The following RADIL variants were observed in gnomAD, a reference collection of about 807,000 sequenced individuals.
RADIL encodes ras-associating and dilute domain-containing protein.
In RADIL, 99 loss-of-function variants were observed where a neutral mutation model predicts 97.6. The ratio of observed to expected loss-of-function variants is 1.01; its 90% CI spans 0.86 to 1.20. The LOEUF (loss-of-function observed/expected upper bound fraction) is 1.20. Ranked by LOEUF, RADIL falls within the 50% of genes most tolerant of loss-of-function variation. The pLI is 0.00. For missense variants in RADIL, 1,765 were observed against 1,498.9 expected (o/e 1.18, Z -2.93); for synonymous variants, 803 against 691.8 (o/e 1.16, Z -2.52).
intron 5 of RADIL, among the ~76,000 whole-genome samples, chr7:4,823,311 T>C (rs965221979): frequency 2.7e-5 from 4 of 150,476 alleles, no homozygotes; most frequent in Admixed American, 2.6e-4. Context: ...CAAACATTAG[T>C]CTGGCTAATT....
chr7:4,820,265 G>C (rs1782794702), intron 6 of RADIL, among the ~76,000 whole-genome samples: 1 of 152,266 alleles, frequency 6.6e-6, no homozygotes, highest in Non-Finnish European at 1.5e-5. Context: ...GAGGATGGCA[G>C]AGTCAGGTCT....
chr7:4,804,232 G>A (rs149725347), intron 10 of RADIL, among the ~76,000 whole-genome samples: 1,845 of 152,362 alleles, frequency 0.012, 43 homozygotes, highest in African/African-American at 0.042. Flanking sequence ...TCAGGCGGCG[G>A]AAGAGTGCGT....
At position 4,872,058 on chromosome 7, in the gene RADIL, G is replaced by A. The variant is rs145444825; in HGVS notation, c.535+5547C>T. On this transcript the variant is annotated intron_variant, in intron 2 of 14. Transcript: ENST00000399583. The surrounding 1 kb of genome is among the most constrained non-coding windows in gnomAD (Gnocchi z 5.8). ...GGTTTGCCAGGCACCCAGCCCCTCC[G>A]AGAGTGGCCCAGGAGAAACAAATGT... Among the ~76,000 whole-genome samples the A allele has an allele frequency of 3.4e-3, 524 of 152,238 alleles. 2 individuals are homozygous for A. Among genetic ancestry groups the A allele is most frequent in the African/African-American group, 0.012 (483 of 41,544 alleles).
At chr7:4,876,092 C>CAG (rs1241238813) in intron 2 of RADIL, among the ~76,000 whole-genome samples, 4 of 152,098 alleles carry the variant, frequency 2.6e-5, no homozygotes, top group African/African-American at 9.7e-5. Flanking sequence ...CGGCTCAAGC[C>CAG]ATCTTCCCAC....
At chr7:4,804,735 C>A (rs575220223) in intron 10 of RADIL, among the ~76,000 whole-genome samples, 44 of 149,028 alleles carry the variant, frequency 3.0e-4, no homozygotes, top group Non-Finnish European at 5.8e-4. Context: ...TCCAGTGAGC[C>A]AAGATCGAGC....
Position 4,821,445 on chromosome 7 carries a change from G to C in RADIL, c.1615+949C>G, listed in dbSNP as rs1782828363. ...CACACAGTCCTTAGCAGACACATGA[G>C]CCGAAATCCTACCCCGGCTTCCGGG... is the stretch of plus-strand genomic sequence containing the variant. On this transcript the variant is annotated intron_variant, in intron 6 of 14. Coordinates refer to ENST00000399583, the MANE Select transcript of RADIL (RefSeq NM_018059.5). The surrounding 1 kb of genome is among the most constrained non-coding windows in gnomAD (Gnocchi z 5.2). 1.3e-5 allele frequency among the ~76,000 whole-genome samples: 2 copies of C among 152,152 alleles called. No individual in the cohort carries two copies. The highest frequency in any genetic ancestry group is 4.8e-5 in the African/African-American group (2 of 41,420).
chr7:4,828,711 T>C (rs1214583299), intron 5 of RADIL, among the ~76,000 whole-genome samples: 1 of 152,200 alleles, frequency 6.6e-6, no homozygotes, highest in Non-Finnish European at 1.5e-5. Context: ...TGTTCTGTGT[T>C]TTGGAAGTGA....
chr7:4,801,725 C>T lies in RADIL; in HGVS notation c.2770G>A (p.Gly924Ser), dbSNP rs538383067. The T allele has an allele frequency of 3.2e-5, 52 of 1,610,306 alleles. No individual in the cohort carries two copies. In the African/African-American group the frequency reaches 4.8e-4, roughly 15 times the overall value. The change falls in exon 12 of 15, where the codon GGC (glycine) becomes AGC (serine). Residue 924 changes from glycine to serine, a missense_variant. Coordinates refer to ENST00000399583, the MANE Select transcript of RADIL (RefSeq NM_018059.5). ...TCTGGGAGCGCTTTTCCACAGGGGCCGCCGGACTCTGGCCAGTCGGGGTCC... is the reference window on the plus strand; with the variant it reads ...TCTGGGAGCGCTTTTCCACAGGGGCTGCCGGACTCTGGCCAGTCGGGGTCC... ...PGDPDWPESG[G>S]PCGKALPERQ...
intron 9 of RADIL, chr7:4,809,377 G>C (rs1298856832): frequency 1.0e-6 from 1 of 985,226 alleles, no homozygotes; most frequent in Non-Finnish European, 1.2e-6. Context: ...CCGGCTGAGC[G>C]GGGGGAGGCG....
At chr7:4,808,488 C>T in intron 9 of RADIL, 5 of 781,982 alleles carry the variant, frequency 6.4e-6, no homozygotes, top group Non-Finnish European at 7.8e-6. Flanking sequence ...TTTATAGGGC[C>T]CCCAAGCTAG....
At chr7:4,802,691 G>T (rs1379862348) in intron 11 of RADIL, among the ~76,000 whole-genome samples, 1 of 108,246 alleles carries the variant, frequency 9.2e-6, no homozygotes, top group Non-Finnish European at 1.9e-5. Flanking sequence ...GTACCTCGGG[G>T]CACGCTGGCT....
At chr7:4,799,834 G>A (rs1385001535) in intron 13 of RADIL, 65 bp from the exon 14 acceptor site, 7 of 1,439,542 alleles carry the variant, frequency 4.9e-6, no homozygotes, top group Non-Finnish European at 6.4e-6. Context: ...GAGGACCACT[G>A]CAGCCCCTCC....
intron 2 of RADIL, among the ~76,000 whole-genome samples, chr7:4,865,200 A>AC (rs1191917113): frequency 6.6e-6 from 1 of 151,896 alleles, no homozygotes; most frequent in Non-Finnish European, 1.5e-5. Context: ...AATTTCCCTC[A>AC]CCCCCCATTC....
chr7:4,833,745 C>T (rs995754179), intron 4 of RADIL, among the ~76,000 whole-genome samples: 3 of 152,110 alleles, frequency 2.0e-5, no homozygotes, highest in African/African-American at 7.3e-5. Flanking sequence ...TGAACAACTA[C>T]GAGTTGTCCT....
chr7:4,803,426 G>A (rs1305808813), intron 11 of RADIL, 120 bp downstream of exon 11: 7 of 849,970 alleles, frequency 8.2e-6, no homozygotes, highest in Middle Eastern at 3.9e-4. Flanking sequence ...CCCCCTCCCC[G>A]GGCACCTCGG....
chr7:4,860,870 A>ATAAGATGGTACCTATCACTGGGATTTAC (rs1783972209), intron 2 of RADIL: 1 of 1,614,080 alleles, frequency 6.2e-7, no homozygotes, highest in African/African-American at 1.3e-5. Flanking sequence ...GATGATAGGC[A>ATAAGATGGTACCTATCACTGGGATTTAC]TAAGATGGTA....
rs1426762926 is a variant in RADIL, at chr7:4,800,365, G to A, written c.2843-55C>T. 3.6e-6 allele frequency: 5 copies of A among 1,405,486 alleles called. No homozygotes were observed. The South Asian group carries it at 6.1e-5, about 17-fold the overall frequency. 87.1% of individuals were successfully genotyped at this position (1,405,486 alleles called of 1,614,324 possible). A position where few individuals can be genotyped will look rare whatever the true frequency, so the allele number is the denominator to read the frequency against. ...AGTGAGGCGCCAGGAATCACGACGA[G>A]GAATGGGATGTCCTGGCCTGGCTGC... On this transcript the variant is annotated intron_variant, in intron 12 of 14. Transcript: ENST00000399583.
chr7:4,869,538 T>C (rs202111253), intron 2 of RADIL, among the ~76,000 whole-genome samples: 7 of 49,894 alleles, frequency 1.4e-4, no homozygotes, highest in Non-Finnish European at 2.3e-4. Flanking sequence ...CCCAATTTCC[T>C]TTTTTTTTTT....
In RADIL at chr7:4,805,892, A is replaced by G. The variant is rs182656641; in HGVS notation, c.2140-176T>C. ...GTCACAGCAGCAGTTCACCCCTGGC[A>G]CTTCCAAGGGCAGCTGCTCCAGGGA... On this transcript the variant is annotated intron_variant, in intron 9 of 14. Transcript: ENST00000399583. The G allele has an allele frequency of 5.2e-5, 51 of 985,328 alleles. No homozygotes were observed. In the African/African-American group the frequency reaches 8.2e-4, roughly 16 times the overall value. 61.0% of individuals were successfully genotyped at this position (985,328 alleles called of 1,614,324 possible). A position where few individuals can be genotyped will look rare whatever the true frequency, so the allele number is the denominator to read the frequency against.
Sources: allele counts gnomAD v4.1 joint callset (sites outside exome capture counted in the v4.1 genomes callset), GRCh38; gene constraint gnomAD v4.1.1; non-coding constraint Gnocchi (gnomAD v3.1); transcripts MANE v1.5; gene names NCBI Gene and HGNC (gene_info 2026-07-23, HGNC 2026-07-21).